Variants in LAMC2 observed in about 807,000 individuals in gnomAD.
LAMC2 encodes laminin subunit gamma 2.
Under a neutral mutation model 140.2 loss-of-function variants are expected in LAMC2, and 97 were observed. The ratio of observed to expected loss-of-function variants is 0.69; its 90% CI spans 0.59 to 0.82. The LOEUF (loss-of-function observed/expected upper bound fraction) is 0.82. Ranked by LOEUF, LAMC2 falls within the 40% of genes least tolerant of loss-of-function variation. The pLI, the probability that LAMC2 is intolerant of heterozygous loss-of-function variation, is 0.00. For synonymous variants in LAMC2, 513 were observed against 540.2 expected (o/e 0.95, Z 0.70); for missense variants, 1,402 against 1,476.1 (o/e 0.95, Z 0.82).
intron 1 of LAMC2, among the ~76,000 whole-genome samples, chr1:183,190,817 T>C (rs1281182796): frequency 6.6e-6 from 1 of 152,210 alleles, no homozygotes; most frequent in Admixed American, 6.5e-5. Flanking sequence ...CAAATTATAT[T>C]CAGTTATATT....
chr1:183,238,475 C>A, intron 19 of LAMC2, 54 bp downstream of exon 19: 1 of 1,156,352 alleles, frequency 8.6e-7, no homozygotes, highest in Non-Finnish European at 1.3e-6. Flanking sequence ...TAGTCATGAC[C>A]AATTTCCTTT....
At chr1:183,221,316 T>C (rs16860582) in intron 5 of LAMC2, among the ~76,000 whole-genome samples, 8,139 of 152,312 alleles carry the variant, frequency 0.053, 261 homozygotes, top group South Asian at 0.11. Flanking sequence ...CTAATAATGC[T>C]GTTTTCACAT....
chr1:183,227,647 T>C lies in LAMC2; in HGVS notation c.1418T>C (p.Met473Thr). 1 of 1,614,190 alleles carries C rather than the reference T, an allele frequency of 6.2e-7. No individual in the cohort carries two copies. Among genetic ancestry groups the C allele is most frequent in the Non-Finnish European group, 8.5e-7 (1 of 1,180,022 alleles). ...PCHNGFSCSV[M>T]PETEEVVCNN... ...CATAACGGGTTCAGCTGCTCAGTGA[T>C]GCCGGAGACGGAGGAGGTGGTGTGC... Residue 473 changes from methionine to threonine, a missense_variant, in exon 10 of 23, where the codon ATG becomes ACG. Transcript: ENST00000264144.
intron 1 of LAMC2, among the ~76,000 whole-genome samples, chr1:183,189,803 A>T (rs1049768917): frequency 6.6e-6 from 1 of 152,220 alleles, no homozygotes; most frequent in African/African-American, 2.4e-5. Context: ...AAATGTGTAT[A>T]TACAAAGAAT....
downstream of LAMC2, among the ~76,000 whole-genome samples, chr1:183,248,015 G>A (rs1394203215): frequency 6.6e-6 from 1 of 152,160 alleles, no homozygotes; most frequent in African/African-American, 2.4e-5. Context: ...CTAAGAAAAC[G>A]GAGGCACAAT....
At chr1:183,189,518 C>T (rs193105322) in intron 1 of LAMC2, among the ~76,000 whole-genome samples, 14 of 152,178 alleles carry the variant, frequency 9.2e-5, no homozygotes, top group Admixed American at 4.6e-4. Context: ...GGTGACAAAG[C>T]GAGACCCTCT....
At chr1:183,200,962 T>C (rs1449062205) in intron 1 of LAMC2, among the ~76,000 whole-genome samples, 1 of 152,228 alleles carries the variant, frequency 6.6e-6, no homozygotes, top group Admixed American at 6.5e-5. Context: ...CACGCTTTAC[T>C]AGACTTAAAG....
intron 1 of LAMC2, among the ~76,000 whole-genome samples, chr1:183,202,851 G>T (rs950186921): frequency 1.3e-5 from 2 of 152,140 alleles, no homozygotes; most frequent in African/African-American, 2.4e-5. Flanking sequence ...GGTTTTGTTT[G>T]CTACTGTATG....
At chr1:183,192,288 A>G (rs1658363063) in intron 1 of LAMC2, among the ~76,000 whole-genome samples, 1 of 152,098 alleles carries the variant, frequency 6.6e-6, no homozygotes, top group African/African-American at 2.4e-5. Flanking sequence ...TTGTGGGGAT[A>G]TGTATCTCCG....
At chr1:183,196,278 T>G (rs534005594) in intron 1 of LAMC2, among the ~76,000 whole-genome samples, 150 of 152,188 alleles carry the variant, frequency 9.9e-4, no homozygotes, top group African/African-American at 3.5e-3. Flanking sequence ...GCTGGTATTA[T>G]AGGTGTGTGC....
At chr1:183,257,251 G>C in the LAMC2 span, among the ~76,000 whole-genome samples, 1 of 151,984 alleles carries the variant, frequency 6.6e-6, no homozygotes, top group African/African-American at 2.4e-5. Context: ...GACCAGCCTG[G>C]CCAACATAGT....
chr1:183,206,314 T>G (rs1658881384), intron 1 of LAMC2, among the ~76,000 whole-genome samples: 1 of 152,158 alleles, frequency 6.6e-6, no homozygotes, highest in Non-Finnish European at 1.5e-5. Flanking sequence ...GTTATAGAAA[T>G]TACTGTAAGG....
chr1:183,255,064 T>C, the LAMC2 span, among the ~76,000 whole-genome samples: 4 of 152,188 alleles, frequency 2.6e-5, no homozygotes, highest in Admixed American at 6.5e-5. Context: ...TACACTTAGG[T>C]TCTTTATCCA....
Position 183,240,055 on chromosome 1 carries a change from A to C in LAMC2, c.3085A>C (p.Asn1029His). 1 of 1,614,096 alleles carries C rather than the reference A, an allele frequency of 6.2e-7. No individual in the cohort carries two copies. The change falls in exon 21 of 23, where the codon AAC (asparagine) becomes CAC (histidine). Residue 1029 changes from asparagine to histidine, a missense_variant. By Grantham distance (68) the Asn-to-His change is moderately conservative (BLOSUM62 1). Around this residue, in one of 3 missense-constraint regions of LAMC2, gnomAD observed 670 missense variants for 667.2 expected, o/e 1.00. Transcript: ENST00000264144. ...CTTCTCTCAGGAGATTGGGAGTCTG[A>C]ACTTGGAAGCCAATGTGACAGCAGA... ...SEIEQEIGSL[N>H]LEANVTADGA...
chr1:183,232,493 C>A, intron 13 of LAMC2, 150 bp downstream of exon 13: 1 of 1,111,660 alleles, frequency 9.0e-7, no homozygotes, highest in Non-Finnish European at 1.3e-6. Flanking sequence ...CTGTGGCATT[C>A]CCCCTGGGAT....
In LAMC2 at chr1:183,198,471, C is replaced by T. The variant is rs73047855; in HGVS notation, c.80-9410C>T. Among the ~76,000 whole-genome samples, 950 of 152,142 alleles carry T rather than the reference C, an allele frequency of 6.2e-3. 9 individuals carry two copies. Among genetic ancestry groups the T allele is most frequent in the African/African-American group, 0.022 (906 of 41,508 alleles). Reference sequence around the variant, plus strand: ...CATTATCTTTAAATGGTTCATAGTTCGACTAATTCACGGGAGATTACAGGT... The same window carrying T: ...CATTATCTTTAAATGGTTCATAGTTTGACTAATTCACGGGAGATTACAGGT... On this transcript the variant is annotated intron_variant, in intron 1 of 22. Transcript: ENST00000264144.
chr1:183,255,352 T>G, the LAMC2 span, among the ~76,000 whole-genome samples: 1 of 152,236 alleles, frequency 6.6e-6, no homozygotes, highest in African/African-American at 2.4e-5. Flanking sequence ...AGAAGTGTGA[T>G]GCCTCCAACT....
intron 1 of LAMC2, among the ~76,000 whole-genome samples, chr1:183,203,518 T>C (rs1310264306): frequency 9.5e-6 from 1 of 105,182 alleles, no homozygotes; most frequent in Non-Finnish European, 1.8e-5. Context: ...AAGTAATAAA[T>C]GGTTTTAGGG....
intron 17 of LAMC2, 83 bp downstream of exon 17, chr1:183,236,687 A>G: frequency 1.3e-6 from 2 of 1,499,752 alleles, no homozygotes; most frequent in Non-Finnish European, 1.9e-6. Context: ...TATTGTTCAA[A>G]CATTCAGCTT....
Sources: gnomAD v4.1 joint callset for allele counts (sites outside exome capture counted in the v4.1 genomes callset) on GRCh38, gnomAD v4.1.1 for gene constraint, gnomAD v4.1.1 regional missense constraint, MANE v1.5 for transcripts, NCBI Gene and HGNC (gene_info 2026-07-23, HGNC 2026-07-21) for gene names.